The following DOCK3 variants were observed in gnomAD, a reference collection of about 807,000 sequenced individuals.
The protein encoded by DOCK3 is dedicator of cytokinesis 3.
DOCK3 carries 60 observed loss-of-function variants against 265.6 expected under a neutral mutation model. That is an observed-to-expected ratio of 0.23 (90% CI 0.18 to 0.28). The LOEUF (loss-of-function observed/expected upper bound fraction) is 0.28. Ranked by LOEUF, DOCK3 falls within the 10% of genes least tolerant of loss-of-function variation. The pLI, the probability that DOCK3 is intolerant of heterozygous loss-of-function variation, is 1.00. For missense variants in DOCK3, 1,981 were observed against 2,594.3 expected (o/e 0.76, Z 5.14); for synonymous variants, 881 against 938.0 (o/e 0.94, Z 1.11).
rs185493384 is a variant in DOCK3, at chr3:51,166,425, A to G, written c.1037+5723A>G. On this transcript the variant is annotated intron_variant, in intron 12 of 52. Coordinates refer to ENST00000266037, the MANE Select transcript of DOCK3 (RefSeq NM_004947.5). ...CATGGCTAGTGTATATAATACTGCA[A>G]TAAACCTGGGAGTGCAGATATCTCT... 2.2e-4 allele frequency among the ~76,000 whole-genome samples: 34 copies of G among 152,324 alleles called. No homozygotes were observed. In the East Asian group the frequency reaches 4.6e-3, roughly 21 times the overall value.
intron 12 of DOCK3, among the ~76,000 whole-genome samples, chr3:51,183,031 A>T (rs989095634): frequency 6.6e-6 from 1 of 152,214 alleles, no homozygotes; most frequent in African/African-American, 2.4e-5. Context: ...CATCTGGCTA[A>T]CTTAAGTCTG....
chr3:51,148,602 C>A (rs1284977276), intron 10 of DOCK3, among the ~76,000 whole-genome samples: 1 of 152,184 alleles, frequency 6.6e-6, no homozygotes, highest in Non-Finnish European at 1.5e-5. Context: ...CATAGGGAAT[C>A]CTTTCCCCAT....
intron 5 of DOCK3, among the ~76,000 whole-genome samples, chr3:51,060,651 A>G (rs551288899): frequency 6.6e-6 from 1 of 152,290 alleles, no homozygotes; most frequent in East Asian, 1.9e-4. Context: ...TAAATAGGGA[A>G]TCCTTTCCCC....
intron 33 of DOCK3, among the ~76,000 whole-genome samples, chr3:51,330,636 T>C (rs1466420027): frequency 6.6e-6 from 1 of 152,138 alleles, no homozygotes; most frequent in Non-Finnish European, 1.5e-5. Context: ...TACAATCAGC[T>C]CACATTGCAG....
At chr3:51,157,555 C>G (rs1489642184) in intron 10 of DOCK3, among the ~76,000 whole-genome samples, 2 of 152,112 alleles carry the variant, frequency 1.3e-5, no homozygotes, top group African/African-American at 2.4e-5. Context: ...CCACATATTA[C>G]TTCTTAGTGT....
intron 1 of DOCK3, among the ~76,000 whole-genome samples, chr3:50,688,251 G>T (rs1404489304): frequency 6.6e-6 from 1 of 152,118 alleles, no homozygotes; most frequent in East Asian, 1.9e-4. Context: ...AATTGCTTCT[G>T]TTCTTAGTGT....
chr3:50,906,595 G>A (rs2049515067), intron 4 of DOCK3, among the ~76,000 whole-genome samples: 1 of 151,892 alleles, frequency 6.6e-6, no homozygotes, highest in Admixed American at 6.6e-5. Context: ...TATTTCTGTG[G>A]GATCGGTGGT....
chr3:50,849,227 G>T (rs2046238960), intron 3 of DOCK3, among the ~76,000 whole-genome samples: 1 of 151,660 alleles, frequency 6.6e-6, no homozygotes, highest in South Asian at 2.1e-4. Flanking sequence ...TAGAGACAGG[G>T]TCTTGCCACA....
chr3:50,957,285 G>T (rs1281827231), intron 5 of DOCK3, among the ~76,000 whole-genome samples: 1 of 152,154 alleles, frequency 6.6e-6, no homozygotes, highest in African/African-American at 2.4e-5. Context: ...AAAACATTTA[G>T]AGCCAGGTAC....
In DOCK3 at chr3:51,211,292, T is replaced by C. The variant is rs1264702585; in HGVS notation, c.1126+2430T>C. Among the ~76,000 whole-genome samples, 3 of 152,168 alleles carry C rather than the reference T, an allele frequency of 2.0e-5. No individual in the cohort carries two copies. In the East Asian group the frequency reaches 5.8e-4, roughly 29 times the overall value. On this transcript the variant is annotated intron_variant, in intron 13 of 52. Coordinates refer to ENST00000266037, the MANE Select transcript of DOCK3 (RefSeq NM_004947.5). ...AAGAGGTTCAGTAAGAAAATGGTTT[T>C]CTTGTGTCAGGTAATCAGTGAGACC...
At chr3:50,811,856 ATAAT>A (rs1192330456) in intron 2 of DOCK3, among the ~76,000 whole-genome samples, 2 of 152,248 alleles carry the variant, frequency 1.3e-5, no homozygotes, top group Non-Finnish European at 2.9e-5. Context: ...TTTAATATAA[ATAAT>A]TGTTAACTAG....
At chr3:51,209,322 G>A (rs1253421732) in intron 13 of DOCK3, among the ~76,000 whole-genome samples, 2 of 152,120 alleles carry the variant, frequency 1.3e-5, no homozygotes, top group Non-Finnish European at 2.9e-5. Flanking sequence ...CGGTCATTCT[G>A]AAACTAGAAT....
chr3:51,017,578 A>C (rs1296476513), intron 5 of DOCK3, among the ~76,000 whole-genome samples: 1 of 151,806 alleles, frequency 6.6e-6, no homozygotes, highest in East Asian at 1.9e-4. Context: ...TGTTTCAAGA[A>C]AATTTTCAAT....
At position 51,361,853 on chromosome 3, in the gene DOCK3, TCACAGCCC is replaced by T. The variant is rs1326642106; in HGVS notation, c.5007-3_5011del. The T allele has an allele frequency of 6.2e-7, 1 of 1,612,262 alleles. No individual in the cohort carries two copies. Among genetic ancestry groups the T allele is most frequent in the Non-Finnish European group, 8.5e-7 (1 of 1,178,964 alleles). ...ACTCCTCCCTATTTCCCACTCTTGC[TCACAGCCC>T]CATGAACTTGATGGGCACAGGCCGC... On this transcript the variant is annotated splice_acceptor_variant and splice_polypyrimidine_tract_variant and coding_sequence_variant and intron_variant, in exon 48 of 53. Transcript: ENST00000266037. LOFTEE classifies it high-confidence loss of function. This position sits in a 1 kb window ranked among gnomAD's most constrained non-coding sequence, Gnocchi z 4.2.
chr3:50,887,283 G>A (rs2048394324), intron 3 of DOCK3, among the ~76,000 whole-genome samples: 1 of 151,054 alleles, frequency 6.6e-6, no homozygotes, highest in Non-Finnish European at 1.5e-5. Context: ...TAAATTTCTG[G>A]ACACATACAC....
At chr3:50,740,356 AT>A (rs962374899) in intron 1 of DOCK3, among the ~76,000 whole-genome samples, 2 of 152,088 alleles carry the variant, frequency 1.3e-5, no homozygotes, top group Non-Finnish European at 2.9e-5. Flanking sequence ...GTATCGTCAT[AT>A]TTTTTTCATT....
At chr3:50,908,868 A>G (rs2049693900) in intron 4 of DOCK3, among the ~76,000 whole-genome samples, 1 of 152,020 alleles carries the variant, frequency 6.6e-6, no homozygotes, top group Admixed American at 6.6e-5. Context: ...GTAGGTCTCT[A>G]AGAGCTTGCT....
chr3:51,178,773 A>G (rs1308134453), intron 12 of DOCK3, among the ~76,000 whole-genome samples: 1 of 152,262 alleles, frequency 6.6e-6, no homozygotes, highest in Admixed American at 6.5e-5. Flanking sequence ...TAAAAAGCAA[A>G]GACAAAAGTA....
intron 14 of DOCK3, among the ~76,000 whole-genome samples, chr3:51,215,836 A>G (rs1472514456): frequency 1.3e-5 from 2 of 152,202 alleles, no homozygotes; most frequent in Non-Finnish European, 2.9e-5. Flanking sequence ...TCTAAATGCT[A>G]GGGAGACTTC....
Sources: allele counts gnomAD v4.1 joint callset (sites outside exome capture counted in the v4.1 genomes callset), GRCh38; gene constraint gnomAD v4.1.1; non-coding constraint Gnocchi (gnomAD v3.1); transcripts MANE v1.5; gene names NCBI Gene and HGNC (gene_info 2026-07-23, HGNC 2026-07-21).